The following CSMD1 variants were observed in gnomAD, a reference collection of about 807,000 sequenced individuals.
The protein encoded by CSMD1 is CUB and sushi domain-containing protein 1.
In CSMD1, 213 loss-of-function variants were observed where a neutral mutation model predicts 417.5. That is an observed-to-expected ratio of 0.51 (90% confidence interval 0.46 to 0.57). The LOEUF is 0.57. CSMD1 is among the 20% of genes least tolerant of loss of function. CSMD1 has a pLI of 0.00. For synonymous variants in CSMD1, 2,862 were observed against 1,736.8 expected, an observed-to-expected ratio of 1.65 and a Z score of -16.11; for missense variants, 6,923 against 4,529.7, an observed-to-expected ratio of 1.53 and a Z score of -15.17.
intron 1 of CSMD1, among the ~76,000 whole-genome samples, chr8:4,741,493 A>G (rs928242719): frequency 6.6e-6 from 1 of 152,242 alleles, no homozygotes; most frequent in Non-Finnish European, 1.5e-5. Flanking sequence ...CAAATATTAT[A>G]GTAGAATCCG....
chr8:3,358,395 T>G (rs533897128), intron 21 of CSMD1, among the ~76,000 whole-genome samples: 1 of 152,330 alleles, frequency 6.6e-6, no homozygotes, highest in Admixed American at 6.5e-5. Flanking sequence ...GTTGTCCGTA[T>G]AGCTAACTAC....
At chr8:4,523,523 T>C (rs1013971795) in intron 2 of CSMD1, among the ~76,000 whole-genome samples, 8 of 152,078 alleles carry the variant, frequency 5.3e-5, no homozygotes, top group Non-Finnish European at 1.2e-4. Flanking sequence ...TTTCCTTCTC[T>C]CTCACACACA....
In CSMD1 at chr8:3,409,518, G is replaced by A. The variant is rs200929585; in HGVS notation, c.1649C>T (p.Thr550Ile). The A allele has an allele frequency of 1.9e-4, 301 of 1,611,260 alleles. No homozygotes were observed. The highest frequency in any genetic ancestry group is 2.5e-4 in the Non-Finnish European group (294 of 1,178,912). ...CTCAAAGGCCGCCGGGCATTCAAAGGTGAGTGTATCTCCATGGAGGAAACT... is the reference window on the plus strand; with the variant it reads ...CTCAAAGGCCGCCGGGCATTCAAAGATGAGTGTATCTCCATGGAGGAAACT... ...GSSFLHGDTL[T>I]FECPAAFELV... The change falls in exon 13 of 70, where the codon ACC becomes ATC. Residue 550 changes from threonine to isoleucine, a missense_variant. By Grantham distance (89) the Thr-to-Ile change is moderately conservative. Transcript: ENST00000635120.
chr8:3,311,841 G>T (rs1481856507), intron 23 of CSMD1, among the ~76,000 whole-genome samples: 1 of 151,982 alleles, frequency 6.6e-6, no homozygotes, highest in Non-Finnish European at 1.5e-5. Context: ...TTTTCCTGTG[G>T]GACTTACAAA....
At chr8:4,289,314 C>G (rs1446803920) in intron 3 of CSMD1, among the ~76,000 whole-genome samples, 1 of 152,180 alleles carries the variant, frequency 6.6e-6, no homozygotes, top group Non-Finnish European at 1.5e-5. Context: ...TATGAGATTG[C>G]TATCACGTAA....
intron 1 of CSMD1, among the ~76,000 whole-genome samples, chr8:4,709,058 A>G (rs998029989): frequency 2.6e-5 from 4 of 152,176 alleles, no homozygotes; most frequent in Non-Finnish European, 5.9e-5. Flanking sequence ...GTACTTTGTT[A>G]TGGGAGCCCT....
At chr8:4,096,783 G>A (rs773695732) in intron 3 of CSMD1, among the ~76,000 whole-genome samples, 24 of 152,152 alleles carry the variant, frequency 1.6e-4, no homozygotes, top group Non-Finnish European at 2.9e-4. Flanking sequence ...GACACTTGCG[G>A]AGTTGCACTC....
At chr8:4,306,705 T>A (rs895782402) in intron 3 of CSMD1, among the ~76,000 whole-genome samples, 57 of 152,070 alleles carry the variant, frequency 3.7e-4, no homozygotes, top group African/African-American at 1.3e-3. Flanking sequence ...CAAAACGTCC[T>A]CATATAGTGA....
intron 1 of CSMD1, among the ~76,000 whole-genome samples, chr8:4,682,570 A>G (rs1347507599): frequency 2.6e-5 from 4 of 152,256 alleles, no homozygotes; most frequent in Admixed American, 1.3e-4. Flanking sequence ...AACAGATAAG[A>G]TAATACATAA....
chr8:3,541,172 A>C (rs10088266), intron 10 of CSMD1, among the ~76,000 whole-genome samples: 4 of 152,240 alleles, frequency 2.6e-5, no homozygotes, highest in Non-Finnish European at 5.9e-5. Context: ...AATGTGGTAG[A>C]TATACACCAT....
At chr8:4,500,016 C>T (rs1217687) in intron 2 of CSMD1, among the ~76,000 whole-genome samples, 1 of 151,036 alleles carries the variant, frequency 6.6e-6, no homozygotes, top group Non-Finnish European at 1.5e-5. Flanking sequence ...GAGAAAGAAG[C>T]GGGAGAAGTT....
intron 26 of CSMD1, among the ~76,000 whole-genome samples, chr8:3,283,207 C>T (rs1290709076): frequency 1.3e-5 from 2 of 152,030 alleles, no homozygotes; most frequent in Admixed American, 6.6e-5. Context: ...CACGGACCGT[C>T]CTGAACCGGG....
chr8:4,121,960 T>G (rs1314082064), intron 3 of CSMD1, among the ~76,000 whole-genome samples: 1 of 152,072 alleles, frequency 6.6e-6, no homozygotes, highest in Non-Finnish European at 1.5e-5. Context: ...GAATTTAAAT[T>G]TTAATAATGC....
At chr8:4,175,599 A>G (rs1377826272) in intron 3 of CSMD1, among the ~76,000 whole-genome samples, 4 of 152,166 alleles carry the variant, frequency 2.6e-5, no homozygotes, top group Non-Finnish European at 5.9e-5. Context: ...TAAATATACA[A>G]TGATCACGCA....
intron 3 of CSMD1, among the ~76,000 whole-genome samples, chr8:4,401,808 C>T (rs1357006050): frequency 6.6e-6 from 1 of 152,138 alleles, no homozygotes; most frequent in African/African-American, 2.4e-5. Context: ...CTCTCACTCA[C>T]CCCTCCGTTC....
At chr8:4,373,030 G>A (rs1289203027) in intron 3 of CSMD1, among the ~76,000 whole-genome samples, 1 of 152,180 alleles carries the variant, frequency 6.6e-6, no homozygotes, top group East Asian at 1.9e-4. Context: ...GATGATTCGG[G>A]CTCACAGTGT....
chr8:4,695,295 T>C (rs966010497), intron 1 of CSMD1, among the ~76,000 whole-genome samples: 1 of 152,228 alleles, frequency 6.6e-6, no homozygotes, highest in Non-Finnish European at 1.5e-5. Context: ...ACAGCCTTTA[T>C]AGTCTGCACT....
chr8:3,041,850 G>C (rs756993040), intron 50 of CSMD1, among the ~76,000 whole-genome samples: 5 of 152,192 alleles, frequency 3.3e-5, no homozygotes, highest in Admixed American at 6.5e-5. Flanking sequence ...ACAGTCTGTG[G>C]GTGTAAAGTG....
chr8:3,655,298 G>C (rs756767189), intron 7 of CSMD1, among the ~76,000 whole-genome samples: 1 of 152,106 alleles, frequency 6.6e-6, no homozygotes, highest in Non-Finnish European at 1.5e-5. Flanking sequence ...CTTTGTGCAT[G>C]ATCCTTCAAT....
Sources: gnomAD v4.1 joint callset for allele counts (sites outside exome capture counted in the v4.1 genomes callset) on GRCh38, gnomAD v4.1.1 for gene constraint, MANE v1.5 for transcripts, NCBI Gene and HGNC (gene_info 2026-07-23, HGNC 2026-07-21) for gene names.